MAP4K4: variants seen among roughly 807,000 people sequenced by gnomAD.
The protein encoded by MAP4K4 is HPK/GCK-like kinase HGK.
MAP4K4 carries 38 observed loss-of-function variants against 189.6 expected under a neutral mutation model. That is an observed-to-expected ratio of 0.20 (90% confidence interval 0.15 to 0.26). The LOEUF (loss-of-function observed/expected upper bound fraction) is 0.26, where lower values mean the gene tolerates loss of function less well. MAP4K4 is among the 10% of genes least tolerant of loss of function. The pLI is 1.00. For missense variants in MAP4K4, 1,054 were observed against 1,726.9 expected (o/e 0.61, Z 6.91); for synonymous variants, 610 against 624.3 (o/e 0.98, Z 0.34).
In MAP4K4 at chr2:101,856,063, G is replaced by T. The variant is rs775996617; in HGVS notation, c.1320G>T (p.Glu440Asp). The T allele has an allele frequency of 4.8e-5, 74 of 1,551,790 alleles. No homozygotes were observed. The South Asian group carries it at 8.7e-4, about 18-fold the overall frequency. ...AAGAAGAAAAGAGGCGTCTAGAGGAGTTGGAGAGAAGGCGCAAAGAAGAAG... is the reference window on the plus strand; with the variant it reads ...AAGAAGAAAAGAGGCGTCTAGAGGATTTGGAGAGAAGGCGCAAAGAAGAAG... Residue 440 changes from glutamate to aspartate, a missense_variant, in exon 13 of 33, where the codon GAG becomes GAT. Around this residue, in one of 4 missense-constraint regions of MAP4K4, gnomAD observed 646 missense variants for 796.2 expected, o/e 0.81. Transcript: ENST00000324219.
At chr2:101,783,272 G>GT (rs577527416) in intron 2 of MAP4K4, among the ~76,000 whole-genome samples, 238 of 84,352 alleles carry the variant, frequency 2.8e-3, no homozygotes, top group African/African-American at 0.011. Flanking sequence ...TAAGCTATGT[G>GT]TTTTTCTGGA....
chr2:101,884,513 G>A (rs1359824891), intron 28 of MAP4K4, among the ~76,000 whole-genome samples: 1 of 152,248 alleles, frequency 6.6e-6, no homozygotes, highest in Non-Finnish European at 1.5e-5. Flanking sequence ...AAATCAAGTA[G>A]CGGTGTGATG....
chr2:101,778,372 C>T (rs1395096274), intron 2 of MAP4K4, among the ~76,000 whole-genome samples: 1 of 152,242 alleles, frequency 6.6e-6, no homozygotes, highest in East Asian at 1.9e-4. Context: ...GTTGTGAAAT[C>T]GCTTTTGTAT....
At chr2:101,709,583 G>C (rs2044287600) in intron 2 of MAP4K4, among the ~76,000 whole-genome samples, 1 of 152,176 alleles carries the variant, frequency 6.6e-6, no homozygotes, top group Non-Finnish European at 1.5e-5. Flanking sequence ...CGAGGTCACT[G>C]GTAGTAGGAA....
At chr2:101,779,446 T>C (rs1212170751) in intron 2 of MAP4K4, among the ~76,000 whole-genome samples, 1 of 152,208 alleles carries the variant, frequency 6.6e-6, no homozygotes, top group Non-Finnish European at 1.5e-5. Flanking sequence ...GTGAATCTTA[T>C]ACTGAGAAAG....
chr2:101,817,200 G>A (rs7419842), intron 3 of MAP4K4, among the ~76,000 whole-genome samples: 2 of 152,094 alleles, frequency 1.3e-5, no homozygotes, highest in East Asian at 1.9e-4. Flanking sequence ...ATTGGGGCTC[G>A]ACGAGGTCAA....
intron 2 of MAP4K4, among the ~76,000 whole-genome samples, chr2:101,784,288 ATGTGTG>A (rs111233758): frequency 2.3e-5 from 3 of 133,292 alleles, no homozygotes; most frequent in East Asian, 2.2e-4. Context: ...GTGTGTGTGT[ATGTGTG>A]TGTGTGTGTG....
At chr2:101,766,472 G>A (rs971875654) in intron 2 of MAP4K4, among the ~76,000 whole-genome samples, 1 of 152,174 alleles carries the variant, frequency 6.6e-6, no homozygotes, top group African/African-American at 2.4e-5. Flanking sequence ...CTTTGGGGGT[G>A]TGTCTTGGAT....
At chr2:101,843,962 G>T in intron 11 of MAP4K4, 139 bp from the exon 12 acceptor site, 1 of 612,168 alleles carries the variant, frequency 1.6e-6, no homozygotes, top group Non-Finnish European at 3.0e-6. Flanking sequence ...TCATTTCTGT[G>T]GATGTATTAG....
chr2:101,847,926 G>A (rs749736961), intron 12 of MAP4K4, among the ~76,000 whole-genome samples: 5 of 152,074 alleles, frequency 3.3e-5, no homozygotes, highest in Admixed American at 6.6e-5. Flanking sequence ...TTTATAGCAT[G>A]TTTTTACTGT....
chr2:101,888,602 A>G (rs572060374), intron 31 of MAP4K4, among the ~76,000 whole-genome samples, 194 bp from the exon 32 acceptor site: 47 of 152,350 alleles, frequency 3.1e-4, no homozygotes, highest in African/African-American at 1.1e-3. Flanking sequence ...TGATGCAAGT[A>G]ACTACTTCAC....
At chr2:101,700,870 A>G (rs1008821738) in intron 2 of MAP4K4, among the ~76,000 whole-genome samples, 5 of 152,088 alleles carry the variant, frequency 3.3e-5, no homozygotes, top group Non-Finnish European at 5.9e-5. Context: ...AAATAGCAGA[A>G]CATCTCTTTT....
At chr2:101,816,806 C>T (rs2095753869) in intron 3 of MAP4K4, among the ~76,000 whole-genome samples, 1 of 152,170 alleles carries the variant, frequency 6.6e-6, no homozygotes, top group Non-Finnish European at 1.5e-5. Flanking sequence ...GCCTCTAGTT[C>T]TTCAGGCTCT....
chr2:101,756,045 A>ATTCTC (rs1394610546), intron 2 of MAP4K4, among the ~76,000 whole-genome samples: 1 of 138,744 alleles, frequency 7.2e-6, no homozygotes, highest in Non-Finnish European at 1.5e-5. Context: ...GGTTTACACC[A>ATTCTC]TTCTCCCGCC....
At chr2:101,760,522 ATG>A (rs1199646195) in intron 2 of MAP4K4, among the ~76,000 whole-genome samples, 34 of 56,016 alleles carry the variant, frequency 6.1e-4, no homozygotes, top group Admixed American at 1.6e-3. Context: ...ATATATATAT[ATG>A]TATATATGTG....
At chr2:101,698,638 C>G in intron 2 of MAP4K4, 100 bp downstream of exon 2, 2 of 1,152,970 alleles carry the variant, frequency 1.7e-6, no homozygotes, top group Non-Finnish European at 2.6e-6. Context: ...GAGGCCACGC[C>G]GCTTGGCCAA....
intron 10 of MAP4K4, 31 bp downstream of exon 10, chr2:101,840,025 A>G (rs2096868750): frequency 6.4e-7 from 1 of 1,559,986 alleles, no homozygotes; most frequent in Admixed American, 2.1e-5. Context: ...TTCATCCTTT[A>G]AAATTTTTAT....
intron 28 of MAP4K4, 63 bp from the exon 29 acceptor site, chr2:101,885,124 G>A: frequency 1.2e-6 from 1 of 815,614 alleles, no homozygotes; most frequent in Non-Finnish European, 2.0e-6. Context: ...AACTAAAACA[G>A]TTTAGAGGGC....
At chr2:101,786,617 T>C (rs1206875753) in intron 2 of MAP4K4, among the ~76,000 whole-genome samples, 1 of 152,324 alleles carries the variant, frequency 6.6e-6, no homozygotes, top group East Asian at 1.9e-4. Context: ...AGCTGTTTCT[T>C]TGAAAACAAA....
Sources: gnomAD v4.1 joint callset for allele counts (sites outside exome capture counted in the v4.1 genomes callset) on GRCh38, gnomAD v4.1.1 for gene constraint, gnomAD v4.1.1 regional missense constraint, MANE v1.5 for transcripts, NCBI Gene and HGNC (gene_info 2026-07-23, HGNC 2026-07-21) for gene names.